Variants in KCNAB1 observed in about 807,000 individuals in gnomAD.
KCNAB1 encodes the protein potassium voltage-gated channel subfamily A regulatory beta subunit 1, also known as voltage-gated potassium channel subunit beta-1.
A neutral mutation model predicts 64.6 loss-of-function variants in KCNAB1; 35 were observed. The ratio of observed to expected loss-of-function variants is 0.54; its 90% CI spans 0.41 to 0.72. KCNAB1 has a LOEUF of 0.72. Ranked by LOEUF, KCNAB1 falls within the 30% of genes least tolerant of loss-of-function variation. The pLI is 0.00. For missense variants in KCNAB1, 401 were observed against 512.9 expected (o/e 0.78, Z 2.11); for synonymous variants, 177 against 183.8 (o/e 0.96, Z 0.30).
chr3:156,321,987 C>T (rs996095667), intron 1 of KCNAB1, among the ~76,000 whole-genome samples: 11 of 152,206 alleles, frequency 7.2e-5, no homozygotes, highest in African/African-American at 2.4e-4. Flanking sequence ...AACTTAACCA[C>T]CTCCAATGTG....
At chr3:156,212,341 A>G (rs1399469335) in intron 1 of KCNAB1, among the ~76,000 whole-genome samples, 1 of 152,200 alleles carries the variant, frequency 6.6e-6, no homozygotes, top group Non-Finnish European at 1.5e-5. Context: ...ATAAAGTGTT[A>G]GTGATGGTTT....
intron 1 of KCNAB1, chr3:156,176,979 G>C (rs1223169692): frequency 1.5e-6 from 1 of 654,582 alleles, no homozygotes; most frequent in Non-Finnish European, 2.7e-6. Context: ...CACTTCCTCC[G>C]TGGAGCTCTC....
intron 1 of KCNAB1, among the ~76,000 whole-genome samples, chr3:156,240,561 C>G (rs1717104736): frequency 1.3e-5 from 2 of 152,150 alleles, no homozygotes; most frequent in African/African-American, 2.4e-5. Flanking sequence ...GAATACTGCT[C>G]TCCTTTGATT....
At chr3:156,352,425 C>G (rs550964956) in intron 1 of KCNAB1, among the ~76,000 whole-genome samples, 1 of 152,332 alleles carries the variant, frequency 6.6e-6, no homozygotes, top group African/African-American at 2.4e-5. Flanking sequence ...GCAATGACAA[C>G]TGCAGGAATT....
intron 1 of KCNAB1, among the ~76,000 whole-genome samples, chr3:156,220,296 G>A (rs979922416): frequency 2.0e-5 from 3 of 151,306 alleles, no homozygotes; most frequent in Non-Finnish European, 4.4e-5. Flanking sequence ...TCGCCACACT[G>A]TCTTCCACAA....
chr3:156,168,504 C>T (rs1711751586), intron 1 of KCNAB1, among the ~76,000 whole-genome samples: 1 of 151,960 alleles, frequency 6.6e-6, no homozygotes, highest in Non-Finnish European at 1.5e-5. Flanking sequence ...TTATTTTATT[C>T]ATCTAAATAT....
chr3:156,179,501 G>A (rs897028868), intron 1 of KCNAB1, among the ~76,000 whole-genome samples: 3 of 123,324 alleles, frequency 2.4e-5, no homozygotes, highest in Admixed American at 2.3e-4. Context: ...GAAGGACCCA[G>A]CCACATACAT....
At chr3:156,261,791 G>A (rs544577277) in intron 1 of KCNAB1, among the ~76,000 whole-genome samples, 1 of 152,056 alleles carries the variant, frequency 6.6e-6, no homozygotes, top group South Asian at 2.1e-4. Context: ...GATTTTGATA[G>A]GGATTGTATT....
chr3:156,340,553 A>T (rs1724034484), intron 1 of KCNAB1, among the ~76,000 whole-genome samples: 1 of 152,302 alleles, frequency 6.6e-6, no homozygotes, highest in African/African-American at 2.4e-5. Flanking sequence ...TTTGGGGACC[A>T]TCACCCATCC....
At chr3:156,518,317 A>G (rs1655593718) in intron 11 of KCNAB1, among the ~76,000 whole-genome samples, 1 of 152,166 alleles carries the variant, frequency 6.6e-6, no homozygotes, top group Non-Finnish European at 1.5e-5. Flanking sequence ...GCTCTACATT[A>G]TCAATCTGAG....
chr3:156,296,461 T>TCCCC (rs9331285), intron 1 of KCNAB1, among the ~76,000 whole-genome samples: 5 of 111,758 alleles, frequency 4.5e-5, no homozygotes, highest in Admixed American at 1.1e-4. Flanking sequence ...AAACTTCAAC[T>TCCCC]CCCCCCCCCC....
chr3:156,483,437 A>G (rs1714974959), intron 8 of KCNAB1, among the ~76,000 whole-genome samples: 1 of 151,930 alleles, frequency 6.6e-6, no homozygotes, highest in Non-Finnish European at 1.5e-5. Flanking sequence ...ATGCATATGG[A>G]TATGTTGTCA....
chr3:156,452,963 CT>C lies in KCNAB1; in HGVS notation c.357+28del. 6.4e-7 allele frequency: 1 copy of C among 1,553,318 alleles called. No individual in the cohort carries two copies. The highest frequency in any genetic ancestry group is 8.8e-7 in the Non-Finnish European group (1 of 1,131,762). ...TAAGTTACCTTTGGCCTCTATTATG[CT>C]AATGAAAGAAAATGCAGAGAGAGCT... On this transcript the variant is annotated intron_variant, in intron 3 of 13. Transcript: ENST00000490337. The surrounding 1 kb of genome is among the most constrained non-coding windows in gnomAD (Gnocchi z 4.6).
At chr3:156,478,203 CT>C (rs1411178479) in intron 8 of KCNAB1, among the ~76,000 whole-genome samples, 3 of 151,870 alleles carry the variant, frequency 2.0e-5, no homozygotes, top group Non-Finnish European at 4.4e-5. Context: ...AATGATACTA[CT>C]TTTTTTCTTG....
chr3:156,395,493 C>A (rs995148573), intron 1 of KCNAB1, among the ~76,000 whole-genome samples: 1 of 127,170 alleles, frequency 7.9e-6, no homozygotes, highest in African/African-American at 3.1e-5. Flanking sequence ...TGCAGTGAGC[C>A]GAGATCCCGC....
chr3:156,503,459 ATAATAT>A (rs1208006897), intron 8 of KCNAB1, among the ~76,000 whole-genome samples: 1 of 152,240 alleles, frequency 6.6e-6, no homozygotes, highest in Non-Finnish European at 1.5e-5. Context: ...GGAGCAAGAA[ATAATAT>A]TAAGAGGATA....
At chr3:156,532,269 AG>A (rs1487355625) in intron 13 of KCNAB1, among the ~76,000 whole-genome samples, 1 of 152,126 alleles carries the variant, frequency 6.6e-6, no homozygotes, top group African/African-American at 2.4e-5. Context: ...GTGGGTTGAA[AG>A]GATGTTCCTG....
At chr3:156,260,215 T>C (rs1338012498) in intron 1 of KCNAB1, among the ~76,000 whole-genome samples, 2 of 152,210 alleles carry the variant, frequency 1.3e-5, no homozygotes, top group Non-Finnish European at 2.9e-5. Context: ...TTTAAAAAAA[T>C]AAACCTTCTC....
At chr3:156,504,753 T>G (rs200537924) in intron 8 of KCNAB1, among the ~76,000 whole-genome samples, 1 of 144,304 alleles carries the variant, frequency 6.9e-6, no homozygotes, top group African/African-American at 2.7e-5. Flanking sequence ...TTTTTTTTGT[T>G]TTTTTTTTTT....
Sources: gnomAD v4.1 joint callset for allele counts (sites outside exome capture counted in the v4.1 genomes callset) on GRCh38, gnomAD v4.1.1 for gene constraint, Gnocchi (gnomAD v3.1) non-coding constraint, MANE v1.5 for transcripts, NCBI Gene and HGNC (gene_info 2026-07-23, HGNC 2026-07-21) for gene names.